Variants in ATP8A2 observed in about 807,000 individuals in gnomAD.
ATP8A2 encodes the protein phospholipid-transporting ATPase IB.
A neutral mutation model predicts 165.6 loss-of-function variants in ATP8A2; 100 were observed. The observed-to-expected ratio is 0.60, with a 90% confidence interval of 0.51 to 0.71. The LOEUF is 0.71. Among genes scored for constraint, ATP8A2 ranks in the 30% least tolerant of loss-of-function variants. The pLI, the probability that ATP8A2 is intolerant of heterozygous loss-of-function variation, is 0.00. For synonymous variants in ATP8A2, 543 were observed against 548.8 expected (o/e 0.99, Z 0.15); for missense variants, 1,227 against 1,479.5 (o/e 0.83, Z 2.80).
At chr13:25,808,562 G>A (rs556561873) in intron 27 of ATP8A2, among the ~76,000 whole-genome samples, 1 of 150,216 alleles carries the variant, frequency 6.7e-6, no homozygotes, top group Admixed American at 6.7e-5. Flanking sequence ...TCATGCCACT[G>A]CACTCCAGCC....
intron 33 of ATP8A2, among the ~76,000 whole-genome samples, chr13:25,948,654 G>A (rs1293721154): frequency 6.6e-6 from 1 of 152,146 alleles, no homozygotes; most frequent in Non-Finnish European, 1.5e-5. Flanking sequence ...TCAGGAGGGT[G>A]GAGCTCTTGT....
At chr13:25,912,155 GACACACACACACACAC>G (rs3056187) in intron 33 of ATP8A2, among the ~76,000 whole-genome samples, 45 of 141,242 alleles carry the variant, frequency 3.2e-4, no homozygotes, top group South Asian at 1.9e-3. Flanking sequence ...GAAAATGTGA[GACACACACACACACAC>G]ACACACACAC....
intron 27 of ATP8A2, among the ~76,000 whole-genome samples, chr13:25,800,628 A>G (rs546217907): frequency 2.0e-5 from 3 of 152,150 alleles, no homozygotes; most frequent in Non-Finnish European, 4.4e-5. Context: ...AGATTTGCTG[A>G]ACTGAGAAAG....
intron 24 of ATP8A2, among the ~76,000 whole-genome samples, chr13:25,672,048 C>T (rs915149904): frequency 6.6e-6 from 1 of 152,198 alleles, no homozygotes; most frequent in Non-Finnish European, 1.5e-5. Context: ...AAAGAACCTA[C>T]ATGAATATCG....
chr13:25,685,616 A>G (rs576809327), intron 24 of ATP8A2, among the ~76,000 whole-genome samples: 1 of 152,322 alleles, frequency 6.6e-6, no homozygotes, highest in Non-Finnish European at 1.5e-5. Context: ...AGCCACATTG[A>G]GGTGGGGTGA....
At chr13:25,621,809 C>T (rs1186642210) in intron 24 of ATP8A2, among the ~76,000 whole-genome samples, 1 of 152,044 alleles carries the variant, frequency 6.6e-6, no homozygotes, top group Non-Finnish European at 1.5e-5. Context: ...CTTTAAAATC[C>T]ACAGTGAGCC....
intron 2 of ATP8A2, among the ~76,000 whole-genome samples, chr13:25,492,707 A>C (rs904715664): frequency 2.6e-5 from 4 of 152,168 alleles, no homozygotes; most frequent in African/African-American, 9.7e-5. Context: ...GTTTCCCTCA[A>C]TTCTGAAATC....
intron 24 of ATP8A2, among the ~76,000 whole-genome samples, chr13:25,609,534 G>GGGATTCAAATATATATATATATATAT (rs2040605487): frequency 2.4e-5 from 1 of 42,296 alleles, no homozygotes; most frequent in Non-Finnish European, 7.2e-5. Context: ...ATATATATTT[G>GGGATTCAAATATATATATATATATAT]GGATTCAAAT....
At chr13:25,449,887 G>C (rs1326637222) in intron 1 of ATP8A2, among the ~76,000 whole-genome samples, 1 of 152,054 alleles carries the variant, frequency 6.6e-6, no homozygotes, top group African/African-American at 2.4e-5. Context: ...AGGTAAACTT[G>C]TGTCATGGGA....
At chr13:25,706,183 C>T (rs9578912) in intron 25 of ATP8A2, among the ~76,000 whole-genome samples, 7,250 of 152,224 alleles carry the variant, frequency 0.048, 212 homozygotes, top group Middle Eastern at 0.099. Flanking sequence ...GGATTCCAAG[C>T]CCCAGTTTGG....
rs548799598 is a variant in ATP8A2 at position 25,443,701 on chromosome 13, A to T, written c.77-25276A>T. 6.6e-5 allele frequency among the ~76,000 whole-genome samples: 10 copies of T among 152,308 alleles called. No individual in the cohort carries two copies. In the East Asian group the frequency reaches 1.9e-3, roughly 29 times the overall value. On this transcript the variant is annotated intron_variant, in intron 1 of 36. Coordinates refer to ENST00000381655, the MANE Select transcript of ATP8A2 (RefSeq NM_016529.6). ...TTGTTCTTTACTTTTCTCTTTATAA[A>T]ATACTGCATAAATTATTTGTTTATT...
At chr13:25,924,669 TA>T (rs1954548933) in intron 33 of ATP8A2, among the ~76,000 whole-genome samples, 1 of 152,096 alleles carries the variant, frequency 6.6e-6, no homozygotes, top group Non-Finnish European at 1.5e-5. Flanking sequence ...TGTATAATGA[TA>T]TTTTTTTCAT....
intron 4 of ATP8A2, among the ~76,000 whole-genome samples, chr13:25,531,411 TATATATATG>T (rs2038097782): frequency 2.5e-5 from 1 of 40,136 alleles, no homozygotes; most frequent in African/African-American, 1.5e-4. Flanking sequence ...TATATATGAT[TATATATATG>T]ATATATATAT....
At chr13:25,778,419 T>C (rs2044791428) in intron 27 of ATP8A2, among the ~76,000 whole-genome samples, 1 of 152,210 alleles carries the variant, frequency 6.6e-6, no homozygotes, top group South Asian at 2.1e-4. Context: ...AACAAAATTA[T>C]GCAATACATG....
intron 24 of ATP8A2, among the ~76,000 whole-genome samples, chr13:25,596,238 GA>G (rs1479365712): frequency 2.0e-5 from 3 of 152,168 alleles, no homozygotes; most frequent in Admixed American, 6.5e-5. Flanking sequence ...ATCTGCCACA[GA>G]CTTGGCTTTA....
intron 1 of ATP8A2, among the ~76,000 whole-genome samples, chr13:25,377,706 G>A (rs921914676): frequency 2.0e-5 from 3 of 152,126 alleles, no homozygotes; most frequent in African/African-American, 7.2e-5. Flanking sequence ...GCAGGAGAAT[G>A]ACTTGAGTCT....
chr13:25,978,699 T>C (rs1468087949), intron 35 of ATP8A2, among the ~76,000 whole-genome samples: 1 of 152,116 alleles, frequency 6.6e-6, no homozygotes, highest in Admixed American at 6.5e-5. Flanking sequence ...CCCAGCATTT[T>C]GGGAGGCTGA....
At position 25,538,040 on chromosome 13, in the gene ATP8A2, A is replaced by G; in HGVS notation, c.560A>G (p.Asp187Gly). The G allele has an allele frequency of 6.2e-7, 1 of 1,613,870 alleles. No individual in the cohort carries two copies. Among genetic ancestry groups the G allele is most frequent in the Non-Finnish European group, 8.5e-7 (1 of 1,179,830 alleles). Residue 187 changes from aspartate (D) to glycine (G), a missense_variant, in exon 7 of 37, where the codon GAT (aspartate) becomes GGT (glycine). This residue lies in a region of ATP8A2 where 356 missense variants were observed against 394.9 expected (regional missense o/e 0.90). Transcript: ENST00000381655. ...KVVNGQYLPADVVLLSSSEPQ... is the reference protein window; with the variant it reads ...KVVNGQYLPAGVVLLSSSEPQ... ...GTCAATGGGCAGTATCTTCCAGCAG[A>G]TGTGGTCCTGCTGTCATCCAGGTTA...
At position 25,617,635 on chromosome 13, in the gene ATP8A2, C is replaced by T. The variant is rs142649651; in HGVS notation, c.2211+27936C>T. On this transcript the variant is annotated intron_variant, in intron 24 of 36. Transcript: ENST00000381655. ...CATTCTTGGTGTTCCCTTGACTTTG[C>T]TGTTTATTGTGTTTTTTTGTTAGAA... Among the ~76,000 whole-genome samples the T allele has an allele frequency of 7.9e-3, 1,208 of 152,194 alleles. 13 individuals are homozygous for T. The highest frequency in any genetic ancestry group is 0.011 in the Non-Finnish European group (732 of 67,998).
Sources: allele counts gnomAD v4.1 joint callset (sites outside exome capture counted in the v4.1 genomes callset), GRCh38; gene constraint gnomAD v4.1.1; regional missense constraint gnomAD v4.1.1; transcripts MANE v1.5; gene names NCBI Gene and HGNC (gene_info 2026-07-23, HGNC 2026-07-21).